The following GALNT10 variants were observed in gnomAD, a reference collection of about 807,000 sequenced individuals.
GALNT10 encodes the protein polypeptide N-acetylgalactosaminyltransferase 10, also known as GalNAc transferase 10.
Under a neutral mutation model 75.0 loss-of-function variants are expected in GALNT10, and 41 were observed. The ratio of observed to expected loss-of-function variants is 0.55; its 90% confidence interval spans 0.43 to 0.71. GALNT10 has a LOEUF of 0.71. Among genes scored for constraint, GALNT10 ranks in the 30% least tolerant of loss-of-function variants. The probability of loss-of-function intolerance (pLI) is 0.00; values close to 1 mark genes in which losing one functional copy is unlikely to be tolerated. For synonymous variants in GALNT10, 302 were observed against 313.0 expected, an observed-to-expected ratio of 0.96 and a Z score of 0.37; for missense variants, 727 against 818.5, an observed-to-expected ratio of 0.89 and a Z score of 1.36.
chr5:154,226,281 A>G (rs970684629), intron 1 of GALNT10, among the ~76,000 whole-genome samples: 28 of 152,168 alleles, frequency 1.8e-4, no homozygotes, highest in East Asian at 1.2e-3. Flanking sequence ...TATTTTAGTT[A>G]TATTTTTTAA....
intron 1 of GALNT10, among the ~76,000 whole-genome samples, chr5:154,245,514 A>G (rs532113012): frequency 4.1e-4 from 62 of 149,876 alleles, no homozygotes; most frequent in African/African-American, 1.5e-3. Context: ...AATGAGTCAT[A>G]TAGCTGGGAC....
chr5:154,347,571 A>G (rs1258527596), intron 4 of GALNT10, among the ~76,000 whole-genome samples: 3 of 152,032 alleles, frequency 2.0e-5, no homozygotes, highest in Non-Finnish European at 4.4e-5. Context: ...TGTGTTGCCC[A>G]GGCTGGTCTC....
intron 1 of GALNT10, among the ~76,000 whole-genome samples, chr5:154,219,281 CCTT>C (rs1752932401): frequency 6.6e-6 from 1 of 152,226 alleles, no homozygotes; most frequent in Non-Finnish European, 1.5e-5. Flanking sequence ...CCCCAGCAAG[CCTT>C]CCCTGACCAC....
intron 4 of GALNT10, among the ~76,000 whole-genome samples, chr5:154,333,287 C>G (rs1019385123): frequency 1.9e-4 from 29 of 152,176 alleles, no homozygotes; most frequent in African/African-American, 7.0e-4. Context: ...CAGCTGGTTG[C>G]AAGAGAGGGA....
chr5:154,272,638 A>G (rs911964213), intron 1 of GALNT10, among the ~76,000 whole-genome samples: 1 of 152,186 alleles, frequency 6.6e-6, no homozygotes, highest in Non-Finnish European at 1.5e-5. Flanking sequence ...AGCCAGCTCC[A>G]TGTTCCTATC....
chr5:154,214,369 T>C (rs1752831873), intron 1 of GALNT10, among the ~76,000 whole-genome samples: 1 of 152,172 alleles, frequency 6.6e-6, no homozygotes, highest in Admixed American at 6.5e-5. Context: ...ATTTGTCTGC[T>C]CTGCCGGTTC....
At chr5:154,338,524 T>C in intron 4 of GALNT10, 1 of 213,886 alleles carries the variant, frequency 4.7e-6, no homozygotes, top group Non-Finnish European at 9.4e-6. Flanking sequence ...CAATTTTTTT[T>C]TTCTGTTAAT....
chr5:154,417,592 T>C lies in GALNT10; in HGVS notation c.*620T>C, dbSNP rs1329826278. ...GGCCCTAAGAGTGTTCAGTATTGAATGCTGATCAGCTGCCAGGTGAGGAGT... is the reference window on the plus strand; with the variant it reads ...GGCCCTAAGAGTGTTCAGTATTGAACGCTGATCAGCTGCCAGGTGAGGAGT... On this transcript the variant is annotated 3_prime_UTR_variant, in exon 12 of 12. Coordinates refer to ENST00000297107, the MANE Select transcript of GALNT10 (RefSeq NM_198321.4). 2 of 152,410 alleles carry C rather than the reference T, an allele frequency of 1.3e-5. No homozygotes were observed. The highest frequency in any genetic ancestry group is 2.4e-5 in the African/African-American group (1 of 41,442). The allele number at this position is 152,410 out of a possible 1,614,324, so 9.4% of individuals were successfully genotyped here. A position where few individuals can be genotyped will look rare whatever the true frequency, so the allele number is the denominator to read the frequency against.
chr5:154,250,471 A>G, intron 1 of GALNT10, among the ~76,000 whole-genome samples: 1 of 152,188 alleles, frequency 6.6e-6, no homozygotes, highest in African/African-American at 2.4e-5. Context: ...GTGGCTCAGC[A>G]GCATAATCTG....
intron 1 of GALNT10, among the ~76,000 whole-genome samples, chr5:154,285,745 A>G (rs1384507049): frequency 6.6e-6 from 1 of 152,104 alleles, no homozygotes; most frequent in Non-Finnish European, 1.5e-5. Context: ...TGGCTACAAG[A>G]GAGCTTTCCA....
At position 154,279,296 on chromosome 5, in the gene GALNT10, G is replaced by GTTTTTTTTTT. The variant is rs111488218; in HGVS notation, c.160-15518_160-15517insTTTTTTTTTT. 3.6e-5 allele frequency among the ~76,000 whole-genome samples: 3 copies of GTTTTTTTTTT among 83,844 alleles called. 1 individual carries two copies. The highest frequency in any genetic ancestry group is 2.8e-5 in the Non-Finnish European group (1 of 35,900). The allele number at this position is 83,844 out of a possible 152,430, so 55.0% of individuals were successfully genotyped here. On this transcript the variant is annotated intron_variant, in intron 1 of 11. Transcript: ENST00000297107. The stretch of plus-strand genomic sequence containing the variant: ...AGTTTTTGTTGTTGTTGTTGTTGTT[G>GTTTTTTTTTT]TTGTTTTGTTTTTTTTTTTTTTTTG...
intron 1 of GALNT10, among the ~76,000 whole-genome samples, chr5:154,208,051 C>T (rs1331732475): frequency 1.3e-5 from 2 of 152,186 alleles, no homozygotes; most frequent in African/African-American, 4.8e-5. Flanking sequence ...CCAGGGCACT[C>T]CAGGCACAGG....
intron 1 of GALNT10, among the ~76,000 whole-genome samples, chr5:154,207,935 A>T (rs1231756868): frequency 6.6e-6 from 1 of 152,126 alleles, no homozygotes; most frequent in Non-Finnish European, 1.5e-5. Context: ...TGGGTCCTGG[A>T]GTTCAATAGT....
intron 1 of GALNT10, among the ~76,000 whole-genome samples, chr5:154,199,315 A>T (rs1341178174): frequency 1.3e-5 from 2 of 152,038 alleles, no homozygotes; most frequent in Non-Finnish European, 2.9e-5. Context: ...CTCTCCACCC[A>T]CCTGACAGGA....
intron 1 of GALNT10, among the ~76,000 whole-genome samples, chr5:154,293,614 T>TATATATATATATATATATA (rs60780135): frequency 2.8e-5 from 3 of 106,410 alleles, no homozygotes; most frequent in African/African-American, 1.2e-4. Context: ...TATATATATA[T>TATATATATATATATATATA]TTTTTTTTTC....
intron 4 of GALNT10, among the ~76,000 whole-genome samples, chr5:154,331,058 T>C (rs1409189321): frequency 1.3e-5 from 2 of 152,130 alleles, no homozygotes; most frequent in African/African-American, 4.8e-5. Context: ...TTACCACTTA[T>C]CACAGGTGGA....
chr5:154,252,785 T>G (rs4958718), intron 1 of GALNT10, among the ~76,000 whole-genome samples: 61,662 of 151,732 alleles, frequency 0.41, 14,853 homozygotes, highest in East Asian at 0.76. Flanking sequence ...TTCATATTTT[T>G]TCCTTATTAC....
intron 1 of GALNT10, among the ~76,000 whole-genome samples, chr5:154,264,336 T>C (rs497621): frequency 0.058 from 8,714 of 149,252 alleles, 798 homozygotes; most frequent in African/African-American, 0.19. Flanking sequence ...AAAAAGTGAT[T>C]TGGGGGACAA....
intron 3 of GALNT10, among the ~76,000 whole-genome samples, chr5:154,321,387 C>T (rs1355839557): frequency 6.6e-6 from 1 of 151,952 alleles, no homozygotes. Flanking sequence ...TCGCTGCAAC[C>T]TCGTCTGCCT....
Sources: gnomAD v4.1 joint callset for allele counts (sites outside exome capture counted in the v4.1 genomes callset) on GRCh38, gnomAD v4.1.1 for gene constraint, MANE v1.5 for transcripts, NCBI Gene and HGNC (gene_info 2026-07-23, HGNC 2026-07-21) for gene names.